RBPJ: variants seen among roughly 807,000 people sequenced by gnomAD.
RBPJ encodes the protein recombining binding protein suppressor of hairless.
Under a neutral mutation model 67.8 loss-of-function variants are expected in RBPJ, and 9 were observed. The ratio of observed to expected loss-of-function variants is 0.13; its 90% CI spans 0.08 to 0.23. The LOEUF (loss-of-function observed/expected upper bound fraction) is 0.23. Among genes scored for constraint, RBPJ ranks in the 10% least tolerant of loss-of-function variants. The probability of loss-of-function intolerance (pLI) is 1.00; values close to 1 mark genes in which losing one functional copy is unlikely to be tolerated. For missense variants in RBPJ, 305 were observed against 595.6 expected (o/e 0.51, Z 5.08); for synonymous variants, 198 against 203.3 (o/e 0.97, Z 0.22).
In RBPJ at chr4:26,231,667, C is replaced by G. The variant is rs113046043; in HGVS notation, c.-167+68053C>G. ...CCTCAAGTGATCTGCCCGTTTCGGC[C>G]TCCCAAAGTGTTGGGATTACAGGCA... On this transcript the variant is annotated intron_variant, in intron 1 of 4. Transcript: ENST00000512351. Among the ~76,000 whole-genome samples, 388 of 152,036 alleles carry G rather than the reference C, an allele frequency of 2.6e-3. 1 individual carries two copies. The highest frequency in any genetic ancestry group is 8.9e-3 in the African/African-American group (370 of 41,482).
chr4:26,131,059 A>G, the RBPJ span, among the ~76,000 whole-genome samples: 1 of 152,204 alleles, frequency 6.6e-6, no homozygotes, highest in African/African-American at 2.4e-5. Flanking sequence ...TTTTTCTGCC[A>G]TCCAAGCTAC....
intron 1 of RBPJ, among the ~76,000 whole-genome samples, chr4:26,375,467 A>G (rs1224167398): frequency 6.6e-6 from 1 of 152,150 alleles, no homozygotes; most frequent in Non-Finnish European, 1.5e-5. Flanking sequence ...CTAACACCTA[A>G]TGGGCACTTA....
intron 1 of RBPJ, among the ~76,000 whole-genome samples, chr4:26,205,061 G>C (rs944300380): frequency 3.9e-5 from 6 of 152,158 alleles, no homozygotes; most frequent in African/African-American, 1.2e-4. Context: ...GCAGAGTTAC[G>C]ACTGCAGGAT....
chr4:26,278,826 G>A (rs993982687), intron 1 of RBPJ, among the ~76,000 whole-genome samples: 11 of 152,130 alleles, frequency 7.2e-5, no homozygotes, highest in African/African-American at 1.2e-4. Flanking sequence ...TGATTAGTCC[G>A]TTTTAAAAAT....
chr4:26,382,617 A>G (rs749225146), intron 1 of RBPJ, among the ~76,000 whole-genome samples: 6 of 152,160 alleles, frequency 3.9e-5, no homozygotes, highest in Non-Finnish European at 7.4e-5. Flanking sequence ...GTCACAACTC[A>G]CTGCAGCCTC....
chr4:26,332,641 A>G (rs1724377912), intron 1 of RBPJ, among the ~76,000 whole-genome samples: 1 of 152,140 alleles, frequency 6.6e-6, no homozygotes, highest in African/African-American at 2.4e-5. Context: ...TTGTTATAAG[A>G]AATTCAGAAG....
chr4:26,407,571 C>T (rs1733562056), intron 3 of RBPJ, among the ~76,000 whole-genome samples: 2 of 152,216 alleles, frequency 1.3e-5, no homozygotes, highest in South Asian at 4.1e-4. Flanking sequence ...GTCTGTCTTT[C>T]AAACAGCATT....
chr4:26,202,237 CA>C (rs1718005073), intron 1 of RBPJ, among the ~76,000 whole-genome samples: 1 of 151,982 alleles, frequency 6.6e-6, no homozygotes, highest in African/African-American at 2.4e-5. Flanking sequence ...AAGGAATCTC[CA>C]GTTCCAAATT....
At chr4:26,210,692 T>C (rs55897182) in intron 1 of RBPJ, among the ~76,000 whole-genome samples, 4,999 of 41,358 alleles carry the variant, frequency 0.12, 222 homozygotes, top group Middle Eastern at 0.17. Context: ...CTTTCCTTTC[T>C]TTCTTTCTTT....
intron 7 of RBPJ, 194 bp from the exon 8 acceptor site, chr4:26,428,526 C>T (rs1204747712): frequency 4.0e-6 from 2 of 493,890 alleles, no homozygotes; most frequent in African/African-American, 4.0e-5. Flanking sequence ...TACATTCTGA[C>T]ATGCTTGCAA....
chr4:26,256,487 G>T (rs1720348241), intron 1 of RBPJ, among the ~76,000 whole-genome samples: 1 of 152,070 alleles, frequency 6.6e-6, no homozygotes, highest in Admixed American at 6.6e-5. Context: ...CCTAACTAAA[G>T]TGCCTATCCT....
At chr4:26,321,513 G>A in intron 1 of RBPJ, 1 of 151,970 alleles carries the variant, frequency 6.6e-6, no homozygotes, top group Non-Finnish European at 1.5e-5. Context: ...CGCTTTGTCC[G>A]ACCCGTGGCG....
chr4:26,373,915 C>CTTTTTTTTTTTTTT, intron 1 of RBPJ, among the ~76,000 whole-genome samples: 1 of 113,342 alleles, frequency 8.8e-6, no homozygotes, highest in Non-Finnish European at 1.7e-5. Flanking sequence ...TTATTTTTTA[C>CTTTTTTTTTTTTTT]TTTTTTTTTT....
chr4:26,348,260 G>A (rs1180682495), intron 1 of RBPJ, among the ~76,000 whole-genome samples: 3 of 152,088 alleles, frequency 2.0e-5, no homozygotes, highest in Admixed American at 6.6e-5. Flanking sequence ...CATCGTGCCC[G>A]GCCTGCTGTT....
At chr4:26,379,337 C>A (rs978631301) in intron 1 of RBPJ, among the ~76,000 whole-genome samples, 4 of 152,050 alleles carry the variant, frequency 2.6e-5, no homozygotes, top group African/African-American at 9.7e-5. Flanking sequence ...GTAGCTAGGA[C>A]CACAGGTGTG....
chr4:26,401,735 A>G (rs2109720178), intron 2 of RBPJ, among the ~76,000 whole-genome samples: 1 of 152,348 alleles, frequency 6.6e-6, no homozygotes, highest in Admixed American at 6.5e-5. Flanking sequence ...TACAAATACA[A>G]ATAGAATTTA....
chr4:26,258,362 C>A (rs1006605331), intron 1 of RBPJ, among the ~76,000 whole-genome samples: 4 of 152,196 alleles, frequency 2.6e-5, no homozygotes, highest in Admixed American at 6.5e-5. Flanking sequence ...GTAGGGCTCA[C>A]AATCAAACCT....
chr4:26,409,055 GA>G (rs1298902710), intron 3 of RBPJ, among the ~76,000 whole-genome samples: 1 of 152,148 alleles, frequency 6.6e-6, no homozygotes, highest in East Asian at 1.9e-4. Context: ...GATTTTTGAA[GA>G]TGCATTTTAG....
the RBPJ span, among the ~76,000 whole-genome samples, chr4:26,111,087 G>C: frequency 6.6e-6 from 1 of 152,120 alleles, no homozygotes; most frequent in Non-Finnish European, 1.5e-5. Context: ...ATGACTCTAG[G>C]CTGGCTTCCT....
Sources: gnomAD v4.1 joint callset for allele counts (sites outside exome capture counted in the v4.1 genomes callset) on GRCh38, gnomAD v4.1.1 for gene constraint, MANE v1.5 for transcripts, NCBI Gene and HGNC (gene_info 2026-07-23, HGNC 2026-07-21) for gene names.